The following CAMK1D variants were observed in gnomAD, a reference collection of about 807,000 sequenced individuals.
The protein encoded by CAMK1D is calcium/calmodulin-dependent protein kinase type 1D.
Under a neutral mutation model 47.7 loss-of-function variants are expected in CAMK1D, and 9 were observed. The ratio of observed to expected loss-of-function variants is 0.19; its 90% CI spans 0.11 to 0.33. The LOEUF (loss-of-function observed/expected upper bound fraction) is 0.33, where lower values mean the gene tolerates loss of function less well. Among genes scored for constraint, CAMK1D ranks in the 10% least tolerant of loss-of-function variants. The pLI, the probability that CAMK1D is intolerant of heterozygous loss-of-function variation, is 1.00. For missense variants in CAMK1D, 291 were observed against 488.7 expected, an observed-to-expected ratio of 0.60 and a Z score of 3.81; for synonymous variants, 184 against 184.9, an observed-to-expected ratio of 0.99 and a Z score of 0.04.
chr10:12,568,767 C>T (rs764739601), intron 2 of CAMK1D, among the ~76,000 whole-genome samples: 45 of 151,944 alleles, frequency 3.0e-4, no homozygotes, highest in Non-Finnish European at 6.2e-4. Context: ...GGGTATATGT[C>T]CAGTAGTGTG....
chr10:12,663,052 C>T (rs1460516940), intron 2 of CAMK1D, among the ~76,000 whole-genome samples: 2 of 152,314 alleles, frequency 1.3e-5, no homozygotes, highest in Admixed American at 6.5e-5. Flanking sequence ...ACCTCTGCCT[C>T]GCAGGTTCAA....
chr10:12,541,509 G>A (rs2026614), intron 1 of CAMK1D, among the ~76,000 whole-genome samples: 46,132 of 151,912 alleles, frequency 0.3, 7,182 homozygotes, highest in South Asian at 0.45. Flanking sequence ...GATTACAGGC[G>A]TGTGCCACCA....
Position 12,564,716 on chromosome 10 carries a change from C to T in CAMK1D, c.224+11360C>T, listed in dbSNP as rs139600444. Among the ~76,000 whole-genome samples the T allele has an allele frequency of 4.6e-5, 7 of 152,168 alleles. No individual in the cohort carries two copies. The East Asian group carries it at 1.3e-3, about 29-fold the overall frequency. On this transcript the variant is annotated intron_variant, in intron 2 of 10. Transcript: ENST00000619168. ...ATGAATATTTAAAAAATAGTTTTGA[C>T]TATATGATATGGATAAGTAGGAGGT...
At chr10:12,388,784 T>G (rs1159812118) in intron 1 of CAMK1D, among the ~76,000 whole-genome samples, 2 of 152,254 alleles carry the variant, frequency 1.3e-5, no homozygotes, top group Non-Finnish European at 1.5e-5. Context: ...AATGCGAGGT[T>G]TGTCTGCTGT....
intron 2 of CAMK1D, among the ~76,000 whole-genome samples, chr10:12,597,558 C>G (rs554989461): frequency 1.3e-5 from 2 of 152,310 alleles, no homozygotes; most frequent in South Asian, 4.1e-4. Flanking sequence ...GGATTAGACC[C>G]TATGCAGAGG....
chr10:12,620,997 A>C (rs1241691300), intron 2 of CAMK1D, among the ~76,000 whole-genome samples: 1 of 152,218 alleles, frequency 6.6e-6, no homozygotes, highest in Non-Finnish European at 1.5e-5. Flanking sequence ...CTGTTACTCC[A>C]GGTTTGCCTG....
chr10:12,432,511 A>G (rs1003774434), intron 1 of CAMK1D, among the ~76,000 whole-genome samples: 1 of 152,200 alleles, frequency 6.6e-6, no homozygotes, highest in African/African-American at 2.4e-5. Context: ...TAATGTGTGA[A>G]TGAATGGGCA....
At chr10:12,581,705 T>G (rs1837669750) in intron 2 of CAMK1D, among the ~76,000 whole-genome samples, 1 of 152,210 alleles carries the variant, frequency 6.6e-6, no homozygotes, top group African/African-American at 2.4e-5. Context: ...GAATTGTCTA[T>G]TCATGTCCTT....
chr10:12,410,974 G>A (rs1839636224), intron 1 of CAMK1D, among the ~76,000 whole-genome samples: 1 of 152,190 alleles, frequency 6.6e-6, no homozygotes, highest in South Asian at 2.1e-4. Context: ...TACCAGTGAT[G>A]TTTCTAGAGA....
intron 1 of CAMK1D, among the ~76,000 whole-genome samples, chr10:12,475,844 T>C (rs188217804): frequency 5.8e-4 from 88 of 152,088 alleles, no homozygotes; most frequent in African/African-American, 1.9e-3. Context: ...ACAGTGAACA[T>C]AGTTCATGCT....
At chr10:12,725,182 G>A (rs572493323) in intron 3 of CAMK1D, 3 of 154,092 alleles carry the variant, frequency 1.9e-5, no homozygotes, top group South Asian at 4.1e-4. Flanking sequence ...TGCCACAGGA[G>A]CCAGTAAGAA....
intron 1 of CAMK1D, among the ~76,000 whole-genome samples, chr10:12,371,378 C>T (rs532166444): frequency 6.6e-6 from 1 of 151,696 alleles, no homozygotes; most frequent in African/African-American, 2.4e-5. Flanking sequence ...AGATCGAGAC[C>T]ATCCTGGCTA....
At chr10:12,519,347 G>A (rs1200618028) in intron 1 of CAMK1D, among the ~76,000 whole-genome samples, 1 of 47,818 alleles carries the variant, frequency 2.1e-5, no homozygotes, top group African/African-American at 8.6e-5. Flanking sequence ...CTCCCGGACG[G>A]GGGGCTGACC....
At chr10:12,585,906 C>G (rs535241370) in intron 2 of CAMK1D, among the ~76,000 whole-genome samples, 2 of 152,300 alleles carry the variant, frequency 1.3e-5, no homozygotes, top group South Asian at 4.1e-4. Context: ...CAGGGCCGTT[C>G]CTCTTCTCAT....
intron 2 of CAMK1D, among the ~76,000 whole-genome samples, chr10:12,578,162 C>T (rs2132331192): frequency 6.6e-6 from 1 of 152,192 alleles, no homozygotes; most frequent in South Asian, 2.1e-4. Context: ...GCAGCCTCGA[C>T]CTCCCGGGCC....
At chr10:12,599,941 G>A (rs1838253366) in intron 2 of CAMK1D, among the ~76,000 whole-genome samples, 2 of 152,182 alleles carry the variant, frequency 1.3e-5, no homozygotes, top group African/African-American at 4.8e-5. Flanking sequence ...TATTTTTTAA[G>A]AAAATACAGT....
intron 2 of CAMK1D, among the ~76,000 whole-genome samples, chr10:12,580,168 C>T (rs542321756): frequency 1.3e-5 from 2 of 152,210 alleles, no homozygotes; most frequent in South Asian, 2.1e-4. Flanking sequence ...GTTAGTCATT[C>T]AGACCTGGCT....
chr10:12,768,551 C>T (rs943473087), intron 4 of CAMK1D, among the ~76,000 whole-genome samples: 7 of 152,102 alleles, frequency 4.6e-5, no homozygotes, highest in Non-Finnish European at 1.0e-4. Context: ...GTGTAAATGA[C>T]AGAAACGATT....
intron 1 of CAMK1D, among the ~76,000 whole-genome samples, chr10:12,490,090 C>G (rs1472386102): frequency 6.6e-6 from 1 of 152,126 alleles, no homozygotes; most frequent in African/African-American, 2.4e-5. Context: ...GTGTCTCCAG[C>G]CACTGCTGTG....
Sources: gnomAD v4.1 joint callset for allele counts (sites outside exome capture counted in the v4.1 genomes callset) on GRCh38, gnomAD v4.1.1 for gene constraint, MANE v1.5 for transcripts, NCBI Gene and HGNC (gene_info 2026-07-23, HGNC 2026-07-21) for gene names.